STEAP3: variants seen among roughly 807,000 people sequenced by gnomAD.
STEAP3 encodes the protein metalloreductase STEAP3.
A neutral mutation model predicts 34.9 loss-of-function variants in STEAP3; 35 were observed. That is an observed-to-expected ratio of 1.00 (90% CI 0.76 to 1.33). STEAP3 has a LOEUF of 1.33. STEAP3 is among the 40% of genes most tolerant of loss of function. STEAP3 has a pLI of 0.00. For synonymous variants in STEAP3, 281 were observed against 301.6 expected (o/e 0.93, Z 0.71); for missense variants, 652 against 667.6 (o/e 0.98, Z 0.26).
chr2:119,228,078 C>T (rs1305939870), intron 1 of STEAP3, among the ~76,000 whole-genome samples: 2 of 152,266 alleles, frequency 1.3e-5, no homozygotes, highest in Middle Eastern at 3.4e-3. Context: ...GATCCACCTG[C>T]CTCGGCCTCC....
At chr2:119,259,919 G>A (rs1435204002) in intron 5 of STEAP3, among the ~76,000 whole-genome samples, 1 of 152,186 alleles carries the variant, frequency 6.6e-6, no homozygotes, top group Non-Finnish European at 1.5e-5. Context: ...GGCCCGTGTG[G>A]ACTTTTCACC....
chr2:119,224,644 C>T lies in STEAP3; in HGVS notation c.-394+756C>T, dbSNP rs577626297. Among the ~76,000 whole-genome samples, 10 of 152,256 alleles carry T rather than the reference C, an allele frequency of 6.6e-5. 1 individual carries two copies. The South Asian group carries it at 8.3e-4, about 13-fold the overall frequency. The stretch of plus-strand genomic sequence containing the variant: ...TCCGTGGGGAGAAGCAGGAAGGTCC[C>T]GCTGGAGCCCTGGCAGAGGGCACAG... On this transcript the variant is annotated intron_variant, in intron 1 of 5. Transcript: ENST00000393110.
chr2:119,253,062 C>T (rs577977060), intron 4 of STEAP3, among the ~76,000 whole-genome samples: 14 of 152,272 alleles, frequency 9.2e-5, no homozygotes, highest in South Asian at 4.1e-4. Context: ...GGCAGAGGTA[C>T]GGAGGAGACC....
At chr2:119,240,033 T>C (rs898645255) in intron 2 of STEAP3, among the ~76,000 whole-genome samples, 4 of 152,326 alleles carry the variant, frequency 2.6e-5, no homozygotes, top group African/African-American at 9.6e-5. Flanking sequence ...AAAAAATTTT[T>C]TTTAATTGAA....
intron 2 of STEAP3, among the ~76,000 whole-genome samples, chr2:119,234,319 T>C (rs1369516802): frequency 2.0e-5 from 3 of 152,188 alleles, no homozygotes; most frequent in Non-Finnish European, 4.4e-5. Flanking sequence ...GCTCCAGGTC[T>C]CCCTGGAAAG....
chr2:119,258,211 G>A (rs1035496080), intron 5 of STEAP3, among the ~76,000 whole-genome samples: 5 of 152,078 alleles, frequency 3.3e-5, no homozygotes, highest in African/African-American at 9.7e-5. Flanking sequence ...TTTAACATGC[G>A]AATGCATTAT....
At chr2:119,262,357 T>C (rs5833786) in intron 5 of STEAP3, among the ~76,000 whole-genome samples, 1,843 of 141,886 alleles carry the variant, frequency 0.013, 31 homozygotes, top group African/African-American at 0.043. Flanking sequence ...CACACACACA[T>C]ATACATGTAT....
At chr2:119,231,531 C>T (rs1489935375) in intron 2 of STEAP3, among the ~76,000 whole-genome samples, 2 of 152,060 alleles carry the variant, frequency 1.3e-5, no homozygotes, top group African/African-American at 2.4e-5. Context: ...TGGAATGATT[C>T]GAAAATCTAG....
At chr2:119,227,665 C>T (rs925404325) in intron 1 of STEAP3, among the ~76,000 whole-genome samples, 31 of 152,056 alleles carry the variant, frequency 2.0e-4, no homozygotes, top group Non-Finnish European at 4.3e-4. Context: ...AAGCCGACTT[C>T]GGTACATATA....
chr2:119,232,796 C>T (rs1676986958), intron 2 of STEAP3, among the ~76,000 whole-genome samples: 1 of 152,002 alleles, frequency 6.6e-6, no homozygotes, highest in Admixed American at 6.5e-5. Flanking sequence ...AGTAGGGCCC[C>T]CCACCACCTA....
At chr2:119,240,340 G>A (rs1055714971) in intron 2 of STEAP3, among the ~76,000 whole-genome samples, 2 of 152,360 alleles carry the variant, frequency 1.3e-5, no homozygotes, top group Admixed American at 6.5e-5. Context: ...GAGGCACCCC[G>A]TTCTTGGCCT....
chr2:119,228,604 G>C (rs1679114777), intron 1 of STEAP3, among the ~76,000 whole-genome samples: 1 of 152,170 alleles, frequency 6.6e-6, no homozygotes, highest in African/African-American at 2.4e-5. Flanking sequence ...ACAGTGCTGG[G>C]CCCAGCAGCC....
intron 2 of STEAP3, among the ~76,000 whole-genome samples, chr2:119,237,834 T>C (rs1036429905): frequency 6.6e-6 from 1 of 152,202 alleles, no homozygotes; most frequent in Non-Finnish European, 1.5e-5. Flanking sequence ...TCACTCCCCA[T>C]TTTCTCCAAA....
At chr2:119,251,231 C>A (rs1392397044) in intron 4 of STEAP3, among the ~76,000 whole-genome samples, 1 of 152,198 alleles carries the variant, frequency 6.6e-6, no homozygotes, top group Non-Finnish European at 1.5e-5. Context: ...AGGGTCCCCA[C>A]ATGGCCACTC....
At chr2:119,224,002 G>C (rs1040210612) in intron 1 of STEAP3, 114 bp downstream of exon 1, 1 of 152,252 alleles carries the variant, frequency 6.6e-6, no homozygotes, top group Non-Finnish European at 1.5e-5. Context: ...GCCGCCACAC[G>C]TCTGGAGGCG....
At chr2:119,237,961 T>C (rs1200539487) in intron 2 of STEAP3, among the ~76,000 whole-genome samples, 1 of 152,224 alleles carries the variant, frequency 6.6e-6, no homozygotes, top group Non-Finnish European at 1.5e-5. Flanking sequence ...TTCTTTCCCT[T>C]AATGCTTTCA....
chr2:119,242,648 C>T (rs540008222), intron 2 of STEAP3, among the ~76,000 whole-genome samples: 43 of 152,280 alleles, frequency 2.8e-4, no homozygotes, highest in African/African-American at 9.6e-4. Flanking sequence ...TACTGAATGC[C>T]GTTTGCTGGG....
Position 119,225,814 on chromosome 2 carries a change from C to A in STEAP3, c.-394+1926C>A, listed in dbSNP as rs1035726085. Reference sequence around the variant, plus strand: ...ACATGAAGCCCTCAGCTCTCTGAACCTCTGTTTATTTGCAAAACCTTGCCA... The same window carrying A: ...ACATGAAGCCCTCAGCTCTCTGAACATCTGTTTATTTGCAAAACCTTGCCA... On this transcript the variant is annotated intron_variant, in intron 1 of 5. Coordinates refer to ENST00000393110, the MANE Select transcript of STEAP3 (RefSeq NM_182915.3). Among the ~76,000 whole-genome samples, 5 of 152,238 alleles carry A rather than the reference C, an allele frequency of 3.3e-5. No homozygotes were observed. The South Asian group carries it at 6.2e-4, about 19-fold the overall frequency.
chr2:119,260,884 T>A (rs559980492), intron 5 of STEAP3, among the ~76,000 whole-genome samples: 1 of 152,274 alleles, frequency 6.6e-6, no homozygotes, highest in African/African-American at 2.4e-5. Flanking sequence ...TGTTAAAGAC[T>A]GGGCCAAGAA....
Sources: gnomAD v4.1 joint callset for allele counts (sites outside exome capture counted in the v4.1 genomes callset) on GRCh38, gnomAD v4.1.1 for gene constraint, MANE v1.5 for transcripts, NCBI Gene and HGNC (gene_info 2026-07-23, HGNC 2026-07-21) for gene names.